WDFY4: variants seen among roughly 807,000 people sequenced by gnomAD.
WDFY4 encodes WD repeat- and FYVE domain-containing protein 4.
Under a neutral mutation model 351.9 loss-of-function variants are expected in WDFY4, and 169 were observed. That is an observed-to-expected ratio of 0.48 (90% confidence interval 0.42 to 0.55). The LOEUF is 0.55. Ranked by LOEUF, WDFY4 falls within the 20% of genes least tolerant of loss-of-function variation. The pLI, the probability that WDFY4 is intolerant of heterozygous loss-of-function variation, is 0.00. For missense variants in WDFY4, 3,803 were observed against 3,935.6 expected, an observed-to-expected ratio of 0.97 and a Z score of 0.90; for synonymous variants, 1,622 against 1,574.6, an observed-to-expected ratio of 1.03 and a Z score of -0.71.
At chr10:48,817,804 C>G (rs570398388) in intron 32 of WDFY4, among the ~76,000 whole-genome samples, 2 of 152,202 alleles carry the variant, frequency 1.3e-5, no homozygotes, top group Non-Finnish European at 2.9e-5. Context: ...CTCTTGGGAA[C>G]CCTCATCCAA....
intron 13 of WDFY4, among the ~76,000 whole-genome samples, chr10:48,768,036 C>T (rs2065728670): frequency 6.6e-6 from 1 of 152,112 alleles, no homozygotes; most frequent in African/African-American, 2.4e-5. Flanking sequence ...GTACCAGGGC[C>T]TGGAATGGGT....
At chr10:48,802,341 G>A (rs573399369) in intron 24 of WDFY4, among the ~76,000 whole-genome samples, 1 of 152,150 alleles carries the variant, frequency 6.6e-6, no homozygotes, top group African/African-American at 2.4e-5. Context: ...GGGCCACTGC[G>A]CTCCAGCTTG....
intron 56 of WDFY4, 58 bp downstream of exon 56, chr10:48,969,306 A>T: frequency 6.5e-7 from 1 of 1,533,918 alleles, no homozygotes; most frequent in Non-Finnish European, 8.8e-7. Flanking sequence ...CTCCAGCTGG[A>T]GGCAGAGATG....
chr10:48,910,806 T>G, intron 47 of WDFY4: 1 of 517,604 alleles, frequency 1.9e-6, no homozygotes, highest in Non-Finnish European at 2.5e-6. Context: ...CAAGTAAGGG[T>G]GTTGAGGACC....
intron 1 of WDFY4, among the ~76,000 whole-genome samples, chr10:48,700,002 T>C (rs1305313710): frequency 6.6e-6 from 1 of 152,194 alleles, no homozygotes; most frequent in Non-Finnish European, 1.5e-5. Context: ...ACTCTGGGGC[T>C]GGGGTTCAGA....
At chr10:48,982,051 C>T (rs1419322506) in intron 61 of WDFY4, among the ~76,000 whole-genome samples, 1 of 152,154 alleles carries the variant, frequency 6.6e-6, no homozygotes, top group Non-Finnish European at 1.5e-5. Flanking sequence ...ACTGGCGTGG[C>T]GTGGGCTGTT....
chr10:48,915,473 A>G (rs1041726597), intron 47 of WDFY4, among the ~76,000 whole-genome samples: 4 of 151,898 alleles, frequency 2.6e-5, no homozygotes, highest in African/African-American at 9.7e-5. Context: ...CTTGGGAGAC[A>G]CAAACTTGCA....
intron 25 of WDFY4, 60 bp from the exon 26 acceptor site, chr10:48,805,198 AAC>A (rs1412977924): frequency 1.3e-5 from 19 of 1,504,034 alleles, no homozygotes; most frequent in Admixed American, 6.3e-5. Context: ...TTTTAGCAGA[AAC>A]ACAGCAAATT....
chr10:48,891,435 C>A (rs116875785), intron 44 of WDFY4, among the ~76,000 whole-genome samples: 1,694 of 152,364 alleles, frequency 0.011, 16 homozygotes, highest in South Asian at 0.025. Flanking sequence ...CATTCAAAAT[C>A]AAATTGACTG....
At chr10:48,772,361 ATGTG>A (rs907827227) in intron 13 of WDFY4, among the ~76,000 whole-genome samples, 1 of 151,604 alleles carries the variant, frequency 6.6e-6, no homozygotes, top group Non-Finnish European at 1.5e-5. Flanking sequence ...GTGTGTGTGG[ATGTG>A]TGTGTGGACA....
chr10:48,911,532 A>C (rs1838004191), intron 47 of WDFY4, among the ~76,000 whole-genome samples: 1 of 152,236 alleles, frequency 6.6e-6, no homozygotes, highest in Admixed American at 6.5e-5. Context: ...AAGGTACAAC[A>C]GTAACTTATA....
Position 48,778,701 on chromosome 10 carries a change from C to T in WDFY4, c.3266C>T (p.Pro1089Leu), listed in dbSNP as rs1040912258. ...SRHGAATEGH[P>L]LRFLTLVRHL... ...CATGGAGCTGCCACTGAGGGCCACC[C>T]GCTGCGCTTCCTGACGTTGGTGCGC... Residue 1089 changes from proline to leucine, a missense_variant, in exon 18 of 62, where the codon CCG becomes CTG. Physicochemically the swap from Pro to Leu is moderately conservative, Grantham distance 98 (BLOSUM62 -3). Around this residue, in one of 3 missense-constraint regions of WDFY4, gnomAD observed 3,054 missense variants for 3,148.6 expected, o/e 0.97. Transcript: ENST00000325239. The T allele has an allele frequency of 3.0e-5, 46 of 1,551,560 alleles. No individual in the cohort carries two copies. The East Asian group carries it at 3.4e-4, about 12-fold the overall frequency.
intron 11 of WDFY4, among the ~76,000 whole-genome samples, chr10:48,739,487 G>A (rs975050576): frequency 1.3e-5 from 2 of 152,090 alleles, no homozygotes; most frequent in African/African-American, 2.4e-5. Flanking sequence ...TAGACTCCCC[G>A]TTCCTGACAA....
chr10:48,956,055 G>A (rs1841575027), intron 51 of WDFY4, among the ~76,000 whole-genome samples: 1 of 152,190 alleles, frequency 6.6e-6, no homozygotes, highest in Admixed American at 6.5e-5. Flanking sequence ...TCCACCCCCA[G>A]CACCTTCATT....
intron 47 of WDFY4, among the ~76,000 whole-genome samples, chr10:48,923,496 G>GTATATATATATATATATATATATATA (rs374289050): frequency 0.011 from 702 of 62,916 alleles, 80 homozygotes; most frequent in African/African-American, 0.02. Flanking sequence ...ATAGTTTTTA[G>GTATATATATATATATATATATATATA]TATATATATA....
At chr10:48,778,075 G>A (rs1298942671) in intron 17 of WDFY4, among the ~76,000 whole-genome samples, 1 of 152,230 alleles carries the variant, frequency 6.6e-6, no homozygotes, top group African/African-American at 2.4e-5. Context: ...CGCTGGGTGG[G>A]ACAGTGCAAG....
intron 19 of WDFY4, among the ~76,000 whole-genome samples, chr10:48,785,139 C>T (rs778500727): frequency 5.3e-5 from 8 of 152,154 alleles, no homozygotes; most frequent in Non-Finnish European, 8.8e-5. Flanking sequence ...GGATTACAGA[C>T]GTGAGCCATT....
At chr10:48,856,900 A>C (rs2069153216) in intron 39 of WDFY4, among the ~76,000 whole-genome samples, 1 of 152,194 alleles carries the variant, frequency 6.6e-6, no homozygotes, top group South Asian at 2.1e-4. Context: ...GGACACTGTC[A>C]AGCTCACAGA....
At position 48,734,942 on chromosome 10, in the gene WDFY4, A is replaced by ATTTTT. The variant is rs3079302; in HGVS notation, c.1688-922_1688-918dup. ...AGGCGCACGCCGCCATGCACGGCTA[A>ATTTTT]TTTTTTTTTTTTTTTTTTTTGGTAT... On this transcript the variant is annotated intron_variant, in intron 10 of 61. Coordinates refer to ENST00000325239, the MANE Select transcript of WDFY4 (RefSeq NM_001394531.1). 9.7e-5 allele frequency among the ~76,000 whole-genome samples: 12 copies of ATTTTT among 123,314 alleles called. 1 individual carries two copies. Among genetic ancestry groups the ATTTTT allele is most frequent in the Admixed American group, 2.6e-4 (3 of 11,710 alleles). The allele number at this position is 123,314 out of a possible 152,430, so 80.9% of individuals were successfully genotyped here.
Sources: allele counts gnomAD v4.1 joint callset (sites outside exome capture counted in the v4.1 genomes callset), GRCh38; gene constraint gnomAD v4.1.1; regional missense constraint gnomAD v4.1.1; transcripts MANE v1.5; gene names NCBI Gene and HGNC (gene_info 2026-07-23, HGNC 2026-07-21).